The following MBD5 variants were observed in gnomAD, a reference collection of about 807,000 sequenced individuals.
MBD5 encodes the protein methyl-CpG-binding domain protein 5.
In MBD5, 13 loss-of-function variants were observed where a neutral mutation model predicts 117.3. The ratio of observed to expected loss-of-function variants is 0.11; its 90% CI spans 0.07 to 0.18. The LOEUF is 0.18. Ranked by LOEUF, MBD5 falls within the 10% of genes least tolerant of loss-of-function variation. MBD5 has a pLI of 1.00. For synonymous variants in MBD5, 727 were observed against 766.4 expected (o/e 0.95, Z 0.85); for missense variants, 1,879 against 2,093.8 (o/e 0.90, Z 2.00).
intron 1 of MBD5, among the ~76,000 whole-genome samples, chr2:148,147,635 G>A (rs1276298291): frequency 1.3e-5 from 2 of 152,100 alleles, no homozygotes; most frequent in Non-Finnish European, 2.9e-5. Flanking sequence ...TGTTGTTGTT[G>A]CTATGTGTTT....
At chr2:148,125,490 T>A (rs1574040697) in intron 1 of MBD5, among the ~76,000 whole-genome samples, 1 of 152,356 alleles carries the variant, frequency 6.6e-6, no homozygotes, top group South Asian at 2.1e-4. Flanking sequence ...CTTAGTTGAC[T>A]TTCTAAAAGA....
intron 3 of MBD5, among the ~76,000 whole-genome samples, chr2:148,234,910 G>C (rs1165265091): frequency 6.6e-6 from 1 of 151,972 alleles, no homozygotes; most frequent in Non-Finnish European, 1.5e-5. Flanking sequence ...ACTAAAAATT[G>C]ATCATTGTTT....
chr2:148,417,982 G>A (rs566010277), intron 4 of MBD5, among the ~76,000 whole-genome samples: 1 of 152,078 alleles, frequency 6.6e-6, no homozygotes, highest in African/African-American at 2.4e-5. Context: ...TGAGACTACA[G>A]GCACCCACCA....
chr2:148,195,075 A>G (rs1574120421), intron 2 of MBD5, among the ~76,000 whole-genome samples: 1 of 152,196 alleles, frequency 6.6e-6, no homozygotes, highest in South Asian at 2.1e-4. Flanking sequence ...AGGTATGTCT[A>G]TGTTCCAATA....
intron 4 of MBD5, among the ~76,000 whole-genome samples, chr2:148,417,631 A>G (rs995232006): frequency 4.6e-5 from 7 of 152,098 alleles, no homozygotes; most frequent in African/African-American, 1.7e-4. Context: ...TTGTGTTTTA[A>G]CTTTTTAATA....
chr2:148,251,323 T>A (rs564581003), intron 3 of MBD5, among the ~76,000 whole-genome samples: 1 of 152,246 alleles, frequency 6.6e-6, no homozygotes, highest in East Asian at 1.9e-4. Flanking sequence ...ATTTCACTGA[T>A]TTTTTTCCAG....
chr2:148,251,541 T>C (rs1168587670), intron 3 of MBD5, among the ~76,000 whole-genome samples: 1 of 152,228 alleles, frequency 6.6e-6, no homozygotes, highest in Non-Finnish European at 1.5e-5. Context: ...TTGTACCTCA[T>C]AAGCCAAAGT....
At chr2:148,365,103 G>C (rs1282212168) in intron 4 of MBD5, among the ~76,000 whole-genome samples, 1 of 152,118 alleles carries the variant, frequency 6.6e-6, no homozygotes, top group Non-Finnish European at 1.5e-5. Flanking sequence ...GCACTCCTCA[G>C]CAAATGCAAA....
intron 1 of MBD5, among the ~76,000 whole-genome samples, chr2:148,030,020 CA>C (rs1030806259): frequency 9.2e-5 from 14 of 152,230 alleles, no homozygotes; most frequent in African/African-American, 3.1e-4. Flanking sequence ...GCCTTAACCC[CA>C]GCACTTTGGG....
intron 1 of MBD5, among the ~76,000 whole-genome samples, chr2:148,066,687 A>C (rs1020593585): frequency 6.6e-6 from 1 of 152,028 alleles, no homozygotes; most frequent in African/African-American, 2.4e-5. Context: ...TGTGTTGCCT[A>C]GCCTGGTCTT....
At chr2:148,097,483 C>T (rs1280239993) in intron 1 of MBD5, among the ~76,000 whole-genome samples, 2 of 152,188 alleles carry the variant, frequency 1.3e-5, no homozygotes, top group East Asian at 1.9e-4. Flanking sequence ...TAATTTATCA[C>T]ACAAGTTATT....
At chr2:148,298,313 G>C (rs1039106471) in intron 3 of MBD5, among the ~76,000 whole-genome samples, 3 of 152,168 alleles carry the variant, frequency 2.0e-5, no homozygotes, top group African/African-American at 7.2e-5. Context: ...CAGAGCCCTT[G>C]GCTGGGAGGT....
intron 3 of MBD5, among the ~76,000 whole-genome samples, chr2:148,291,444 AT>A (rs1386650343): frequency 6.6e-6 from 1 of 152,138 alleles, no homozygotes; most frequent in Non-Finnish European, 1.5e-5. Context: ...AAATATTTTA[AT>A]TTTTTAATAG....
intron 1 of MBD5, among the ~76,000 whole-genome samples, chr2:148,050,578 T>C (rs545678195): frequency 4.6e-5 from 7 of 152,322 alleles, no homozygotes; most frequent in African/African-American, 1.4e-4. Flanking sequence ...TTTTTTTCTT[T>C]TGTTACTTTA....
At chr2:148,099,585 A>G (rs1468309849) in intron 1 of MBD5, among the ~76,000 whole-genome samples, 1 of 152,126 alleles carries the variant, frequency 6.6e-6, no homozygotes, top group African/African-American at 2.4e-5. Flanking sequence ...AAAGTGAGAG[A>G]AAGTGTCAGG....
intron 2 of MBD5, among the ~76,000 whole-genome samples, chr2:148,212,738 A>G (rs1699457140): frequency 6.6e-6 from 1 of 152,204 alleles, no homozygotes; most frequent in Non-Finnish European, 1.5e-5. Context: ...TTAAGAAGGA[A>G]GAGGATTTGG....
chr2:148,083,197 G>A (rs1265072496), intron 1 of MBD5, among the ~76,000 whole-genome samples: 1 of 152,150 alleles, frequency 6.6e-6, no homozygotes, highest in Non-Finnish European at 1.5e-5. Context: ...TATATAAAAT[G>A]TTAATGAATC....
In MBD5 at chr2:148,468,532, G is replaced by T. The variant is rs760892595; in HGVS notation, c.589G>T (p.Val197Phe). The T allele has an allele frequency of 1.9e-6, 3 of 1,613,852 alleles. No homozygotes were observed. Among genetic ancestry groups the T allele is most frequent in the East Asian group, 4.5e-5 (2 of 44,864 alleles). ...AAGCCAACAACAAGAACTCCACCCT[G>T]TCTACCCCCGACAGAGATTGGGCAG... ...PGSQQQELHP[V>F]YPRQRLGSSE... Residue 197 changes from valine (V) to phenylalanine (F), a missense_variant, in exon 8 of 14, where the codon GTC becomes TTC. This residue lies in a region of MBD5 where 1,666 missense variants were observed against 1,792.2 expected (regional missense o/e 0.93). Coordinates refer to ENST00000642680, the MANE Select transcript of MBD5 (RefSeq NM_001378120.1).
At chr2:148,432,217 G>A (rs1003031213) in intron 4 of MBD5, among the ~76,000 whole-genome samples, 1 of 151,338 alleles carries the variant, frequency 6.6e-6, no homozygotes, top group Non-Finnish European at 1.5e-5. Context: ...TTTTTAATGG[G>A]GTTGTTTCTT....
Sources: gnomAD v4.1 joint callset for allele counts (sites outside exome capture counted in the v4.1 genomes callset) on GRCh38, gnomAD v4.1.1 for gene constraint, gnomAD v4.1.1 regional missense constraint, MANE v1.5 for transcripts, NCBI Gene and HGNC (gene_info 2026-07-23, HGNC 2026-07-21) for gene names.